The following ABCB1 variants were observed in gnomAD, a reference collection of about 807,000 sequenced individuals.
ABCB1 encodes the protein ATP-dependent translocase ABCB1.
ABCB1 carries 69 observed loss-of-function variants against 142.0 expected under a neutral mutation model. The observed-to-expected ratio is 0.49, with a 90% confidence interval of 0.40 to 0.59. The LOEUF (loss-of-function observed/expected upper bound fraction) is 0.59. Ranked by LOEUF, ABCB1 falls within the 20% of genes least tolerant of loss-of-function variation. ABCB1 has a pLI of 0.00. For synonymous variants in ABCB1, 532 were observed against 539.2 expected (o/e 0.99, Z 0.18); for missense variants, 1,326 against 1,554.7 (o/e 0.85, Z 2.47).
At chr7:87,522,294 T>C (rs765059485) in intron 21 of ABCB1, 8 of 797,072 alleles carry the variant, frequency 1.0e-5, no homozygotes, top group African/African-American at 1.7e-5. Flanking sequence ...GGAGGAAACT[T>C]TGGAGGCAGA....
intron 25 of ABCB1, among the ~76,000 whole-genome samples, chr7:87,513,115 C>A (rs980714312): frequency 6.6e-6 from 1 of 152,180 alleles, no homozygotes; most frequent in Non-Finnish European, 1.5e-5. Context: ...ATTTCTGCAA[C>A]AGCCAGATTC....
At chr7:87,645,850 C>T (rs1341123928) in intron 1 of ABCB1, among the ~76,000 whole-genome samples, 1 of 151,586 alleles carries the variant, frequency 6.6e-6, no homozygotes, top group Non-Finnish European at 1.5e-5. Context: ...GAAAGTGAAG[C>T]ATAGACTCTA....
At chr7:87,680,834 TAAA>T (rs1382583071) in intron 1 of ABCB1, among the ~76,000 whole-genome samples, 2 of 148,194 alleles carry the variant, frequency 1.3e-5, no homozygotes, top group African/African-American at 5.0e-5. Context: ...AGAAACTAAA[TAAA>T]GAAGGGAAAA....
chr7:87,591,392 A>G (rs1370255829), intron 3 of ABCB1, among the ~76,000 whole-genome samples: 1 of 152,232 alleles, frequency 6.6e-6, no homozygotes, highest in Admixed American at 6.5e-5. Context: ...TGAATACACA[A>G]TGTCAAAAGA....
At chr7:87,683,917 C>A (rs1480887332) in intron 1 of ABCB1, among the ~76,000 whole-genome samples, 1 of 152,144 alleles carries the variant, frequency 6.6e-6, no homozygotes, top group Non-Finnish European at 1.5e-5. Flanking sequence ...TACCAGTACA[C>A]CTCATGGACA....
intron 1 of ABCB1, chr7:87,628,584 C>CGTGTGTGTGTGTGTGTGTGTGTGT: frequency 3.6e-6 from 1 of 278,498 alleles, no homozygotes; most frequent in East Asian, 5.8e-5. Flanking sequence ...TGCGTGCGTG[C>CGTGTGTGTGTGTGTGTGTGTGTGT]GTGTGTGTGT....
intron 1 of ABCB1, among the ~76,000 whole-genome samples, chr7:87,691,635 T>C (rs1828023693): frequency 6.6e-6 from 1 of 152,220 alleles, no homozygotes; most frequent in African/African-American, 2.4e-5. Flanking sequence ...CTTGTTTATT[T>C]AAAGAGCAGC....
chr7:87,604,557 G>A (rs973118189), upstream of ABCB1, among the ~76,000 whole-genome samples: 2 of 151,872 alleles, frequency 1.3e-5, no homozygotes, highest in Non-Finnish European at 2.9e-5. Flanking sequence ...ACTTGATAGG[G>A]GATATTAAAT....
intron 1 of ABCB1, among the ~76,000 whole-genome samples, 200 bp downstream of exon 1, chr7:87,600,555 G>C (rs1230312529): frequency 6.6e-6 from 1 of 152,240 alleles, no homozygotes; most frequent in Non-Finnish European, 1.5e-5. Flanking sequence ...ACATGGTCCA[G>C]TGCCACTACG....
chr7:87,697,440 G>A (rs1372352560), intron 1 of ABCB1, among the ~76,000 whole-genome samples: 1 of 152,170 alleles, frequency 6.6e-6, no homozygotes, highest in Non-Finnish European at 1.5e-5. Flanking sequence ...GATAATAGAA[G>A]TCAAGGAAAA....
At chr7:87,643,307 T>A (rs1237078728) in intron 1 of ABCB1, among the ~76,000 whole-genome samples, 1 of 152,136 alleles carries the variant, frequency 6.6e-6, no homozygotes, top group Non-Finnish European at 1.5e-5. Flanking sequence ...GGGTACAAAT[T>A]TCAGGGAAGA....
intron 20 of ABCB1, among the ~76,000 whole-genome samples, chr7:87,532,294 G>A (rs879581833): frequency 1.6e-4 from 24 of 152,124 alleles, no homozygotes; most frequent in Non-Finnish European, 3.1e-4. Context: ...TTTCTGAAAA[G>A]GGGCTGGGTA....
Position 87,550,163 on chromosome 7 carries a change from C to T in ABCB1, c.1350+8G>A. ...ACCGCAGGGTCTAGCTCGCATGGGT[C>T]ATCTCACCATCCCCTCTGTGGGGTC... On this transcript the variant is annotated splice_region_variant and intron_variant, in intron 12 of 27. Coordinates refer to ENST00000622132, the MANE Select transcript of ABCB1 (RefSeq NM_001348946.2). 6.2e-7 allele frequency: 1 copy of T among 1,614,220 alleles called. No homozygotes were observed. The highest frequency in any genetic ancestry group is 8.5e-7 in the Non-Finnish European group (1 of 1,180,042).
At chr7:87,612,569 G>A (rs1453183945) in intron 1 of ABCB1, among the ~76,000 whole-genome samples, 1 of 152,106 alleles carries the variant, frequency 6.6e-6, no homozygotes, top group Non-Finnish European at 1.5e-5. Context: ...TCAGTTGGCT[G>A]TAAGTATTTG....
intron 3 of ABCB1, among the ~76,000 whole-genome samples, chr7:87,592,428 A>G (rs1215203342): frequency 6.6e-6 from 1 of 152,228 alleles, no homozygotes; most frequent in Non-Finnish European, 1.5e-5. Context: ...CCATATAACC[A>G]TAAAAGTCAC....
At chr7:87,561,061 C>T (rs1394985818) in intron 8 of ABCB1, among the ~76,000 whole-genome samples, 1 of 152,182 alleles carries the variant, frequency 6.6e-6, no homozygotes, top group Non-Finnish European at 1.5e-5. Context: ...ATCTAGAAAA[C>T]TCTTTGAATT....
chr7:87,561,416 A>G (rs1817559715), intron 7 of ABCB1, 29 bp from the exon 8 acceptor site: 1 of 1,584,330 alleles, frequency 6.3e-7, no homozygotes, highest in Non-Finnish European at 8.6e-7. Context: ...TTGGATCATG[A>G]AAAAAACACG....
At chr7:87,596,070 T>A (rs751232294) in intron 2 of ABCB1, among the ~76,000 whole-genome samples, 1 of 152,072 alleles carries the variant, frequency 6.6e-6, no homozygotes, top group South Asian at 2.1e-4. Context: ...TCCTTGTGCC[T>A]TTGATATTTC....
chr7:87,615,241 G>A (rs1819996624), intron 1 of ABCB1, among the ~76,000 whole-genome samples: 1 of 152,028 alleles, frequency 6.6e-6, no homozygotes, highest in Non-Finnish European at 1.5e-5. Flanking sequence ...ATCCCCAAAA[G>A]CCTCTACACA....
Sources: allele counts gnomAD v4.1 joint callset (sites outside exome capture counted in the v4.1 genomes callset), GRCh38; gene constraint gnomAD v4.1.1; transcripts MANE v1.5; gene names NCBI Gene and HGNC (gene_info 2026-07-23, HGNC 2026-07-21).